Variants in OTUD7A observed in about 807,000 individuals in gnomAD.
OTUD7A encodes OTU deubiquitinase 7A.
In OTUD7A, 12 loss-of-function variants were observed where a neutral mutation model predicts 65.7. The observed-to-expected ratio is 0.18, with a 90% CI of 0.12 to 0.30. OTUD7A has a LOEUF of 0.30. OTUD7A is among the 10% of genes least tolerant of loss of function. OTUD7A has a pLI of 1.00. For missense variants in OTUD7A, 1,148 were observed against 1,304.8 expected (o/e 0.88, Z 1.85); for synonymous variants, 641 against 586.3 (o/e 1.09, Z -1.35).
intron 1 of OTUD7A, among the ~76,000 whole-genome samples, chr15:31,738,023 A>AT (rs1409740436): frequency 1.3e-5 from 2 of 152,208 alleles, no homozygotes; most frequent in Non-Finnish European, 2.9e-5. Context: ...TATTATTAAC[A>AT]TTTTTTAGCT....
At position 31,689,980 on chromosome 15, in the gene OTUD7A, G is replaced by T. The variant is rs550559792; in HGVS notation, c.-99-32903C>A. Among the ~76,000 whole-genome samples, 6 of 152,304 alleles carry T rather than the reference G, an allele frequency of 3.9e-5. No homozygotes were observed. The South Asian group carries it at 1.2e-3, about 32-fold the overall frequency. The stretch of plus-strand genomic sequence containing the variant: ...CCCCATCTCGACTGGGCATCCCCTA[G>T]GTCAGCAGATGTCTGTATATTTTTA... On this transcript the variant is annotated intron_variant, in intron 1 of 12. Coordinates refer to ENST00000307050, the MANE Select transcript of OTUD7A (RefSeq NM_001382637.1).
At chr15:31,634,316 G>A (rs1359911563) in intron 3 of OTUD7A, among the ~76,000 whole-genome samples, 1 of 152,170 alleles carries the variant, frequency 6.6e-6, no homozygotes, top group African/African-American at 2.4e-5. Flanking sequence ...TGCCACTGCT[G>A]ACAAAAGCCA....
chr15:31,837,683 A>C (rs1232863546), intron 1 of OTUD7A, among the ~76,000 whole-genome samples: 2 of 152,268 alleles, frequency 1.3e-5, no homozygotes, highest in Non-Finnish European at 2.9e-5. Context: ...TACCATATTC[A>C]TAGATTAGAT....
chr15:31,490,404 G>T (rs944992726), intron 10 of OTUD7A, among the ~76,000 whole-genome samples: 1 of 152,152 alleles, frequency 6.6e-6, no homozygotes, highest in Non-Finnish European at 1.5e-5. Flanking sequence ...AAAAAATCAA[G>T]ATTTCTGGTT....
chr15:31,736,575 T>C (rs1269315041), intron 1 of OTUD7A, among the ~76,000 whole-genome samples: 2 of 152,180 alleles, frequency 1.3e-5, no homozygotes, highest in African/African-American at 4.8e-5. Flanking sequence ...ACTGAAGCTG[T>C]GCCGACCAAT....
At chr15:31,844,837 G>T (rs1041929927) in intron 1 of OTUD7A, among the ~76,000 whole-genome samples, 4 of 152,228 alleles carry the variant, frequency 2.6e-5, no homozygotes, top group Admixed American at 2.6e-4. Flanking sequence ...GCCCTGCCAG[G>T]AACAGTGCAA....
At chr15:31,673,857 T>C (rs1261243362) in intron 1 of OTUD7A, among the ~76,000 whole-genome samples, 4 of 152,240 alleles carry the variant, frequency 2.6e-5, no homozygotes, top group South Asian at 4.1e-4. Flanking sequence ...CCCAACCTAC[T>C]TGCCTCCTTC....
chr15:31,498,615 C>A lies in OTUD7A; in HGVS notation c.1171+3075G>T, dbSNP rs1478289635. On this transcript the variant is annotated intron_variant, in intron 10 of 12. Coordinates refer to ENST00000307050, the MANE Select transcript of OTUD7A (RefSeq NM_001382637.1). This position sits in a 1 kb window ranked among gnomAD's most constrained non-coding sequence, Gnocchi z 4.2. Reference sequence around the variant, plus strand: ...ACCTGAGCTGGGTGCTGAGAGAATGCCCAGATCTGGGTTTCACAGAGCTCC... The same window carrying A: ...ACCTGAGCTGGGTGCTGAGAGAATGACCAGATCTGGGTTTCACAGAGCTCC... Among the ~76,000 whole-genome samples the A allele has an allele frequency of 6.6e-6, 1 of 152,060 alleles. No individual in the cohort carries two copies. Among genetic ancestry groups the A allele is most frequent in the East Asian group, 1.9e-4 (1 of 5,186 alleles).
At chr15:31,543,833 G>A (rs2141137797) in intron 5 of OTUD7A, among the ~76,000 whole-genome samples, 1 of 151,924 alleles carries the variant, frequency 6.6e-6, no homozygotes, top group African/African-American at 2.4e-5. Context: ...ATCGGTAATT[G>A]AGAGAAAAAG....
intron 1 of OTUD7A, among the ~76,000 whole-genome samples, chr15:31,861,879 T>A (rs546645610): frequency 3.3e-5 from 5 of 152,184 alleles, no homozygotes; most frequent in Admixed American, 1.3e-4. Context: ...GACCATGTCA[T>A]CCCACAGATG....
At chr15:31,725,506 T>C (rs1233516885) in intron 1 of OTUD7A, among the ~76,000 whole-genome samples, 1 of 152,236 alleles carries the variant, frequency 6.6e-6, no homozygotes, top group African/African-American at 2.4e-5. Flanking sequence ...CTGATGAGAC[T>C]TTAGGATGTC....
chr15:31,509,918 T>G (rs1404501480), intron 8 of OTUD7A, among the ~76,000 whole-genome samples: 3 of 117,714 alleles, frequency 2.5e-5, no homozygotes, highest in Non-Finnish European at 3.8e-5. Flanking sequence ...TTTTTTCTAT[T>G]TTTTTTTCTT....
chr15:31,592,879 C>CAAATAAAAA (rs1453670641), intron 3 of OTUD7A, among the ~76,000 whole-genome samples: 2 of 8,544 alleles, frequency 2.3e-4, no homozygotes, highest in Non-Finnish European at 3.4e-4. Flanking sequence ...GGCTCTGTCT[C>CAAATAAAAA]AAAAAAAAAA....
chr15:31,614,020 G>C (rs1027445693), intron 3 of OTUD7A, among the ~76,000 whole-genome samples: 1 of 152,148 alleles, frequency 6.6e-6, no homozygotes, highest in South Asian at 2.1e-4. Flanking sequence ...TAAGATTGGA[G>C]ACTATTACTC....
chr15:31,686,580 G>C (rs1892842337), intron 1 of OTUD7A, among the ~76,000 whole-genome samples: 1 of 152,250 alleles, frequency 6.6e-6, no homozygotes, highest in Admixed American at 6.5e-5. Context: ...CAGATCCAGA[G>C]GACGAGGAGA....
chr15:31,666,823 TTG>T (rs1892334202), intron 1 of OTUD7A, among the ~76,000 whole-genome samples: 1 of 152,112 alleles, frequency 6.6e-6, no homozygotes, highest in Non-Finnish European at 1.5e-5. Flanking sequence ...GTTTGATAGG[TTG>T]TGTCATTATT....
chr15:31,679,119 G>C (rs1892656449), intron 1 of OTUD7A, among the ~76,000 whole-genome samples: 1 of 152,158 alleles, frequency 6.6e-6, no homozygotes. Flanking sequence ...GGACTTGCAT[G>C]GGGCCTGCAG....
At chr15:31,725,880 C>G (rs931057164) in intron 1 of OTUD7A, among the ~76,000 whole-genome samples, 2 of 152,116 alleles carry the variant, frequency 1.3e-5, no homozygotes, top group Non-Finnish European at 2.9e-5. Flanking sequence ...GCACCAGGAG[C>G]AGAAAATAAA....
At chr15:31,578,048 A>G (rs1889259850) in intron 3 of OTUD7A, among the ~76,000 whole-genome samples, 1 of 152,138 alleles carries the variant, frequency 6.6e-6, no homozygotes, top group Non-Finnish European at 1.5e-5. Context: ...TAAACCAAAA[A>G]TAAAATTTGA....
Sources: allele counts gnomAD v4.1 joint callset (sites outside exome capture counted in the v4.1 genomes callset), GRCh38; gene constraint gnomAD v4.1.1; non-coding constraint Gnocchi (gnomAD v3.1); transcripts MANE v1.5; gene names NCBI Gene and HGNC (gene_info 2026-07-23, HGNC 2026-07-21).